JAZF1: variants seen among roughly 807,000 people sequenced by gnomAD.
JAZF1 encodes the protein juxtaposed with another zinc finger protein 1.
Under a neutral mutation model 26.4 loss-of-function variants are expected in JAZF1, and 8 were observed. That is an observed-to-expected ratio of 0.30 (90% confidence interval 0.18 to 0.55). JAZF1 has a LOEUF of 0.55. Among genes scored for constraint, JAZF1 ranks in the 20% least tolerant of loss-of-function variants. The probability of loss-of-function intolerance (pLI) is 0.94; values close to 1 mark genes in which losing one functional copy is unlikely to be tolerated. For missense variants in JAZF1, 199 were observed against 322.0 expected (o/e 0.62, Z 2.92); for synonymous variants, 126 against 122.3 (o/e 1.03, Z -0.20).
At chr7:27,858,641 T>TA (rs1271392478) in intron 3 of JAZF1, among the ~76,000 whole-genome samples, 2 of 152,236 alleles carry the variant, frequency 1.3e-5, no homozygotes, top group Non-Finnish European at 2.9e-5. Context: ...AAGGATTCCC[T>TA]ATTTAATAAA....
At chr7:28,175,215 G>A (rs1262703602) in intron 1 of JAZF1, among the ~76,000 whole-genome samples, 2 of 152,160 alleles carry the variant, frequency 1.3e-5, no homozygotes, top group African/African-American at 4.8e-5. Context: ...AAAAGAGAAC[G>A]TGGCCAGAGG....
At chr7:28,060,871 A>G (rs928478120) in intron 1 of JAZF1, among the ~76,000 whole-genome samples, 2 of 152,164 alleles carry the variant, frequency 1.3e-5, no homozygotes, top group Non-Finnish European at 2.9e-5. Context: ...CTGGGTTTCC[A>G]AATTTCACTT....
At chr7:28,050,270 T>C (rs953254651) in intron 1 of JAZF1, among the ~76,000 whole-genome samples, 1 of 152,200 alleles carries the variant, frequency 6.6e-6, no homozygotes, top group Non-Finnish European at 1.5e-5. Context: ...TTTCTATTTT[T>C]ATTATGTCGC....
rs1366216504 is a variant in JAZF1, at chr7:27,832,925, G to T, written c.607C>A (p.Arg203Ser). Reference protein sequence around the residue: ...HAKNGHRTQIRVRKPFKCRCG... With the variant: ...HAKNGHRTQISVRKPFKCRCG... ...CGACACTTGAATGGTTTGCGGACAC[G>T]AATCTGTGTTCTGTGACCATTCTTA... Residue 203 changes from arginine (R) to serine (S), a missense_variant, in exon 5 of 5, where the codon CGT becomes AGT. Arg to Ser is a moderately radical substitution (Grantham distance 110, BLOSUM62 -1). Coordinates refer to ENST00000283928, the MANE Select transcript of JAZF1 (RefSeq NM_175061.4). 2.5e-6 allele frequency: 4 copies of T among 1,612,782 alleles called. No homozygotes were observed. The highest frequency in any genetic ancestry group is 3.4e-6 in the Non-Finnish European group (4 of 1,179,456).
At chr7:27,917,514 T>C (rs1294668795) in intron 2 of JAZF1, among the ~76,000 whole-genome samples, 1 of 152,224 alleles carries the variant, frequency 6.6e-6, no homozygotes, top group African/African-American at 2.4e-5. Flanking sequence ...CTGATGCTGT[T>C]GGTTTGAGAA....
At chr7:27,945,294 C>T (rs558186566) in intron 2 of JAZF1, among the ~76,000 whole-genome samples, 1 of 152,158 alleles carries the variant, frequency 6.6e-6, no homozygotes, top group Non-Finnish European at 1.5e-5. Flanking sequence ...TGTAAGATGT[C>T]CAGGGAAGCC....
At chr7:28,072,966 C>CG (rs1783999545) in intron 1 of JAZF1, among the ~76,000 whole-genome samples, 3 of 152,320 alleles carry the variant, frequency 2.0e-5, no homozygotes, top group South Asian at 4.1e-4. Flanking sequence ...GACAACCTCT[C>CG]TCACCTTGTT....
intron 1 of JAZF1, among the ~76,000 whole-genome samples, chr7:28,018,734 G>A (rs1474731956): frequency 6.6e-6 from 1 of 152,164 alleles, no homozygotes; most frequent in Non-Finnish European, 1.5e-5. Context: ...CTGTCCTCCA[G>A]CATCGCAATT....
At chr7:27,874,700 C>T (rs539880638) in intron 3 of JAZF1, among the ~76,000 whole-genome samples, 2 of 96,328 alleles carry the variant, frequency 2.1e-5, no homozygotes, top group South Asian at 9.1e-4. Flanking sequence ...TCAGGCCAAC[C>T]ACTGAACCTT....
Position 27,898,304 on chromosome 7 carries a change from T to TATATATATATATATATAC in JAZF1, c.189-2889_189-2888insGTATATATATATATATAT, listed in dbSNP as rs375859244. Reference sequence around the variant, plus strand: ...TCTAACTCATATATATATATATATATACATCGGTTTTTTTTTTTTTTTTTT... The same window carrying TATATATATATATATATAC: ...TCTAACTCATATATATATATATATATATATATATATATATATACACATCGGTTTTTTTTTTTTTTTTTT... On this transcript the variant is annotated intron_variant, in intron 2 of 4. Coordinates refer to ENST00000283928, the MANE Select transcript of JAZF1 (RefSeq NM_175061.4). Among the ~76,000 whole-genome samples, 359 of 128,906 alleles carry TATATATATATATATATAC rather than the reference T, an allele frequency of 2.8e-3. 5 individuals are homozygous for TATATATATATATATATAC. The highest frequency in any genetic ancestry group is 7.9e-3 in the African/African-American group (254 of 32,196). 84.6% of individuals were successfully genotyped at this position (128,906 alleles called of 152,430 possible).
At chr7:27,884,120 T>C (rs1285968871) in intron 3 of JAZF1, among the ~76,000 whole-genome samples, 1 of 152,214 alleles carries the variant, frequency 6.6e-6, no homozygotes, top group African/African-American at 2.4e-5. Context: ...TAAGGTAAGA[T>C]TTACACACAC....
intron 1 of JAZF1, among the ~76,000 whole-genome samples, chr7:28,066,863 T>A (rs2127907909): frequency 6.6e-6 from 1 of 152,286 alleles, no homozygotes; most frequent in East Asian, 1.9e-4. Flanking sequence ...CCTGAAAAGA[T>A]GAATGGTCTT....
chr7:28,145,983 T>G (rs1191630830), intron 1 of JAZF1, among the ~76,000 whole-genome samples: 1 of 152,228 alleles, frequency 6.6e-6, no homozygotes, highest in Non-Finnish European at 1.5e-5. Flanking sequence ...CTGAGTAGTA[T>G]TCCATTTCTC....
chr7:27,885,770 T>A (rs1339709082), intron 3 of JAZF1, among the ~76,000 whole-genome samples: 4 of 152,096 alleles, frequency 2.6e-5, no homozygotes, highest in Non-Finnish European at 2.9e-5. Flanking sequence ...TGAAAATTTA[T>A]CCATGTCCAG....
chr7:28,113,419 C>G (rs1784694619), intron 1 of JAZF1, among the ~76,000 whole-genome samples: 1 of 152,200 alleles, frequency 6.6e-6, no homozygotes, highest in Non-Finnish European at 1.5e-5. Flanking sequence ...ACTAACACTG[C>G]TGCTGAGGAG....
intron 1 of JAZF1, among the ~76,000 whole-genome samples, chr7:28,144,127 A>G (rs1425972829): frequency 2.0e-5 from 3 of 152,214 alleles, no homozygotes; most frequent in Admixed American, 1.3e-4. Flanking sequence ...TAGATTTTCT[A>G]AGCCACATTC....
At chr7:27,969,640 A>C (rs956359735) in intron 2 of JAZF1, among the ~76,000 whole-genome samples, 1 of 152,204 alleles carries the variant, frequency 6.6e-6, no homozygotes, top group Non-Finnish European at 1.5e-5. Flanking sequence ...ACAACAAGCA[A>C]GGGGATTTAT....
intron 2 of JAZF1, among the ~76,000 whole-genome samples, chr7:27,934,214 G>C (rs1784729462): frequency 6.6e-6 from 1 of 152,114 alleles, no homozygotes; most frequent in Non-Finnish European, 1.5e-5. Context: ...ATGTCTTCAA[G>C]AATTTCAACT....
intron 1 of JAZF1, among the ~76,000 whole-genome samples, chr7:28,058,493 T>C (rs1008666909): frequency 6.6e-6 from 1 of 152,126 alleles, no homozygotes; most frequent in African/African-American, 2.4e-5. Context: ...TACAAGTTCA[T>C]CTTTTGGCCT....
Sources: allele counts gnomAD v4.1 joint callset (sites outside exome capture counted in the v4.1 genomes callset), GRCh38; gene constraint gnomAD v4.1.1; transcripts MANE v1.5; gene names NCBI Gene and HGNC (gene_info 2026-07-23, HGNC 2026-07-21).